GRIA3: variants seen among roughly 807,000 people sequenced by gnomAD.
The protein encoded by GRIA3 is glutamate ionotropic receptor AMPA type subunit 3, also known as glutamate receptor 3.
In GRIA3, 3 loss-of-function variants were observed where a neutral mutation model predicts 63.0. That is an observed-to-expected ratio of 0.05 (90% CI 0.02 to 0.12). The LOEUF (loss-of-function observed/expected upper bound fraction) is 0.12. Ranked by LOEUF, GRIA3 falls within the 10% of genes least tolerant of loss-of-function variation. GRIA3 has a pLI of 1.00. For missense variants in GRIA3, 347 were observed against 700.9 expected, an observed-to-expected ratio of 0.50 and a Z score of 5.70; for synonymous variants, 274 against 257.9, an observed-to-expected ratio of 1.06 and a Z score of -0.60.
intron 3 of GRIA3, among the ~76,000 whole-genome samples, chrX:123,281,285 A>C (rs2044584394): frequency 9.0e-6 from 1 of 111,341 alleles, no homozygotes; most frequent in Non-Finnish European, 1.9e-5. Context: ...TGGCATACTA[A>C]ATGTTCATTT....
At chrX:123,375,668 T>C (rs1236127315) in intron 5 of GRIA3, among the ~76,000 whole-genome samples, 1 of 111,758 alleles carries the variant, frequency 8.9e-6, no homozygotes, top group African/African-American at 3.3e-5. Context: ...CTGCAGACTG[T>C]ATTTGCGGAT....
Position 123,433,180 on chromosome X carries a change from T to C in GRIA3, c.2076+5041T>C, listed in dbSNP as rs1317235583. On this transcript the variant is annotated intron_variant, in intron 12 of 15. Transcript: ENST00000620443. ...AATTTAAATCCATGTCAATTTGATA[T>C]GTTTGGACAGTTGACAGGGAAATAG... is the stretch of plus-strand genomic sequence containing the variant. Among the ~76,000 whole-genome samples the C allele has an allele frequency of 3.6e-5, 4 of 112,161 alleles. No individual in the cohort carries two copies. The East Asian group carries it at 8.4e-4, about 24-fold the overall frequency.
At chrX:123,283,390 G>A (rs2044598386) in intron 3 of GRIA3, among the ~76,000 whole-genome samples, 1 of 111,161 alleles carries the variant, frequency 9.0e-6, no homozygotes, top group Admixed American at 9.5e-5. Flanking sequence ...ATGCCAGCGA[G>A]ACAGAACCAT....
At chrX:123,316,833 T>C (rs1192602009) in intron 3 of GRIA3, among the ~76,000 whole-genome samples, 2 of 112,110 alleles carry the variant, frequency 1.8e-5, no homozygotes, top group Non-Finnish European at 3.8e-5. Flanking sequence ...ATGACAGTGG[T>C]CCCATAAAAT....
chrX:123,479,690 C>G (rs1283992545), intron 13 of GRIA3, among the ~76,000 whole-genome samples: 4 of 112,498 alleles, frequency 3.6e-5, no homozygotes, highest in Non-Finnish European at 7.5e-5. Context: ...GGAAGTACAA[C>G]AAGACACCCA....
At chrX:123,298,307 A>C (rs2044698876) in intron 3 of GRIA3, among the ~76,000 whole-genome samples, 1 of 111,378 alleles carries the variant, frequency 9.0e-6, no homozygotes, top group Non-Finnish European at 1.9e-5. Flanking sequence ...GAATCAAAAC[A>C]CTGTCTTCCA....
intron 13 of GRIA3, among the ~76,000 whole-genome samples, chrX:123,478,464 G>A (rs1427433836): frequency 1.8e-5 from 2 of 111,725 alleles, no homozygotes; most frequent in East Asian, 2.8e-4. Context: ...CAGGTCCTAC[G>A]CTAACCAAGA....
At position 123,253,403 on chromosome X, in the gene GRIA3, C is replaced by T. The variant is rs751876024; in HGVS notation, c.369C>T (p.Ser123=). Residue 123 remains serine (S), a synonymous_variant, in exon 3 of 16, where the codon TCC becomes TCT. Coordinates refer to ENST00000620443, the MANE Select transcript of GRIA3 (RefSeq NM_007325.5). The stretch of plus-strand genomic sequence containing the variant: ...CCTTCTGTGGGGCCCTGCACACATC[C>T]TTTGTTACGCCTAGCTTCCCCACTG... ...LTSFCGALHT[S]FVTPSFPTDA... 15 of 1,209,885 alleles carry T rather than the reference C, an allele frequency of 1.2e-5. No homozygotes were observed. In the South Asian group the frequency reaches 1.9e-4, roughly 16 times the overall value.
chrX:123,211,062 CA>C (rs1335787465), intron 2 of GRIA3, among the ~76,000 whole-genome samples: 1 of 111,343 alleles, frequency 9.0e-6, no homozygotes, highest in Non-Finnish European at 1.9e-5. Context: ...AACAAAGGGT[CA>C]AAAATAATAT....
intron 3 of GRIA3, among the ~76,000 whole-genome samples, chrX:123,256,698 T>C (rs1292603700): frequency 8.9e-6 from 1 of 112,027 alleles, no homozygotes; most frequent in Non-Finnish European, 1.9e-5. Context: ...GTATGAATTT[T>C]ATTCTAATTG....
At chrX:123,280,750 C>T (rs1340113145) in intron 3 of GRIA3, among the ~76,000 whole-genome samples, 2 of 112,081 alleles carry the variant, frequency 1.8e-5, no homozygotes, top group African/African-American at 6.5e-5. Context: ...CTGGACATAG[C>T]TTTGGTGAAA....
At chrX:123,251,955 A>G (rs1273471632) in intron 2 of GRIA3, among the ~76,000 whole-genome samples, 2 of 112,358 alleles carry the variant, frequency 1.8e-5, no homozygotes, top group Non-Finnish European at 3.8e-5. Flanking sequence ...GCAAAATACT[A>G]CATCCACTGA....
chrX:123,478,791 T>G (rs2045898558), intron 13 of GRIA3, among the ~76,000 whole-genome samples: 1 of 112,602 alleles, frequency 8.9e-6, no homozygotes, highest in Admixed American at 9.4e-5. Flanking sequence ...TTTAAGTTAG[T>G]GACATTCAGA....
chrX:123,370,754 G>C (rs1306506571), intron 5 of GRIA3, among the ~76,000 whole-genome samples: 1 of 103,137 alleles, frequency 9.7e-6, no homozygotes, highest in Non-Finnish European at 2.1e-5. Flanking sequence ...ATATATGTGT[G>C]TGTGCATATG....
At chrX:123,291,947 C>A (rs2044658496) in intron 3 of GRIA3, among the ~76,000 whole-genome samples, 1 of 111,572 alleles carries the variant, frequency 9.0e-6, no homozygotes, top group South Asian at 3.8e-4. Context: ...GTGCCAAACA[C>A]TGTACCATGT....
chrX:123,187,056 T>G (rs945960980), intron 2 of GRIA3, among the ~76,000 whole-genome samples: 26 of 112,732 alleles, frequency 2.3e-4, no homozygotes, highest in African/African-American at 7.1e-4. Context: ...GTATAAAATA[T>G]GCTTTGCTTT....
chrX:123,349,041 A>T (rs955714019), intron 4 of GRIA3, among the ~76,000 whole-genome samples: 1 of 111,968 alleles, frequency 8.9e-6, no homozygotes, highest in Non-Finnish European at 1.9e-5. Context: ...ATACAGTTGT[A>T]TTTATTTTCT....
intron 2 of GRIA3, among the ~76,000 whole-genome samples, chrX:123,244,372 C>G (rs903458003): frequency 9.0e-6 from 1 of 111,440 alleles, no homozygotes; most frequent in Non-Finnish European, 1.9e-5. Context: ...ACTCACCCCA[C>G]CATATCCATC....
intron 10 of GRIA3, 94 bp from the exon 11 acceptor site, chrX:123,417,308 T>C (rs2045541637): frequency 4.1e-6 from 3 of 739,122 alleles, no homozygotes; most frequent in Admixed American, 2.5e-5. Flanking sequence ...TAGGACTTGA[T>C]ATTTTCACCA....
Sources: gnomAD v4.1 joint callset for allele counts (sites outside exome capture counted in the v4.1 genomes callset) on GRCh38, gnomAD v4.1.1 for gene constraint, MANE v1.5 for transcripts, NCBI Gene and HGNC (gene_info 2026-07-23, HGNC 2026-07-21) for gene names.